UGT1A7: variants seen among roughly 807,000 people sequenced by gnomAD.
UGT1A7 encodes UDP-glucuronosyltransferase 1A7.
UGT1A7 carries 33 observed loss-of-function variants against 45.6 expected under a neutral mutation model. The ratio of observed to expected loss-of-function variants is 0.72; its 90% CI spans 0.55 to 0.97. The LOEUF (loss-of-function observed/expected upper bound fraction) is 0.97, where lower values mean the gene tolerates loss of function less well. Ranked by LOEUF, UGT1A7 falls within the 50% of genes least tolerant of loss-of-function variation. The probability of loss-of-function intolerance (pLI) is 0.00; values close to 1 mark genes in which losing one functional copy is unlikely to be tolerated. For synonymous variants in UGT1A7, 274 were observed against 250.6 expected, an observed-to-expected ratio of 1.09 and a Z score of -0.88; for missense variants, 684 against 666.2, an observed-to-expected ratio of 1.03 and a Z score of -0.29.
At chr2:233,711,503 TC>T (rs1193779053) in intron 1 of UGT1A7, among the ~76,000 whole-genome samples, 1 of 152,132 alleles carries the variant, frequency 6.6e-6, no homozygotes, top group Non-Finnish European at 1.5e-5. Flanking sequence ...AGAATCCCTT[TC>T]TAGCGCTCTG....
At chr2:233,753,955 A>G (rs892608608) in intron 1 of UGT1A7, among the ~76,000 whole-genome samples, 11 of 152,214 alleles carry the variant, frequency 7.2e-5, no homozygotes, top group Non-Finnish European at 1.6e-4. Context: ...CCTCCAAAAT[A>G]TTAAGAGAAT....
At chr2:233,736,941 G>A (rs2125804674) in intron 1 of UGT1A7, among the ~76,000 whole-genome samples, 1 of 152,244 alleles carries the variant, frequency 6.6e-6, no homozygotes, top group East Asian at 1.9e-4. Context: ...ACCTATATGA[G>A]GTGTCTGTTG....
At chr2:233,697,767 G>T (rs2075409769) in intron 1 of UGT1A7, among the ~76,000 whole-genome samples, 1 of 151,840 alleles carries the variant, frequency 6.6e-6, no homozygotes, top group Non-Finnish European at 1.5e-5. Flanking sequence ...TTGATACATT[G>T]TGTTTCCATT....
At chr2:233,744,008 G>C in intron 1 of UGT1A7, 6 of 1,163,404 alleles carry the variant, frequency 5.2e-6, no homozygotes, top group Non-Finnish European at 6.7e-6. Context: ...CGGAGACCTG[G>C]GCCGCCTGGA....
chr2:233,739,520 T>C (rs1227951212), intron 1 of UGT1A7, among the ~76,000 whole-genome samples: 1 of 152,250 alleles, frequency 6.6e-6, no homozygotes, highest in Non-Finnish European at 1.5e-5. Flanking sequence ...AGACATGAAG[T>C]CAAGGGAGAT....
chr2:233,763,154 G>A (rs1698249397), intron 1 of UGT1A7, among the ~76,000 whole-genome samples: 1 of 152,232 alleles, frequency 6.6e-6, no homozygotes, highest in Non-Finnish European at 1.5e-5. Flanking sequence ...AAAAGTCTAA[G>A]TGGTGAACTG....
intron 1 of UGT1A7, chr2:233,753,062 C>G (rs746941166): frequency 3.9e-5 from 6 of 152,186 alleles, no homozygotes; most frequent in African/African-American, 4.8e-5. Flanking sequence ...TGCCTTCCTC[C>G]CACCTCAAAA....
chr2:233,745,803 A>G (rs11695484), intron 1 of UGT1A7, among the ~76,000 whole-genome samples: 45,405 of 150,528 alleles, frequency 0.3, 7,175 homozygotes, highest in South Asian at 0.39. Flanking sequence ...GGTCTATCCC[A>G]GAGTTTTGAG....
chr2:233,745,019 T>C (rs1692990004), intron 1 of UGT1A7, among the ~76,000 whole-genome samples: 1 of 151,908 alleles, frequency 6.6e-6, no homozygotes, highest in Non-Finnish European at 1.5e-5. Context: ...ATGTAAATGC[T>C]ATGTAAATAG....
intron 1 of UGT1A7, among the ~76,000 whole-genome samples, chr2:233,702,329 CTTGT>C (rs763433492): frequency 2.7e-4 from 41 of 152,036 alleles, no homozygotes; most frequent in Non-Finnish European, 5.0e-4. Flanking sequence ...CATTTCTGAA[CTTGT>C]TTATTTGTTC....
Position 233,768,222 on chromosome 2 carries a change from C to G in UGT1A7, c.1078C>G (p.His360Asp). 1 of 1,614,186 alleles carries G rather than the reference C, an allele frequency of 6.2e-7. No homozygotes were observed. Among genetic ancestry groups the G allele is most frequent in the Non-Finnish European group, 8.5e-7 (1 of 1,180,046 alleles). The change falls in exon 4 of 5, where the codon CAC becomes GAC. Residue 360 changes from histidine to aspartate, a missense_variant and splice_region_variant. His to Asp is a moderately conservative substitution (Grantham distance 81, BLOSUM62 -1). Coordinates refer to ENST00000373426, the MANE Select transcript of UGT1A7 (RefSeq NM_019077.3). ...ATCCTCCCTATTTTGCATCTCAGGT[C>G]ACCCGATGACCCGTGCCTTTATCAC... ...KWLPQNDLLG[H>D]PMTRAFITHA... is the part of the protein sequence containing the mutation.
At chr2:233,764,907 A>G (rs1698684591) in intron 1 of UGT1A7, among the ~76,000 whole-genome samples, 1 of 152,198 alleles carries the variant, frequency 6.6e-6, no homozygotes, top group Non-Finnish European at 1.5e-5. Flanking sequence ...TAAGAGCCAG[A>G]GGACTCACGA....
chr2:233,769,597 C>T lies in UGT1A7; in HGVS notation c.1295+1158C>T, dbSNP rs772266725. 4 of 1,612,818 alleles carry T rather than the reference C, an allele frequency of 2.5e-6. No individual in the cohort carries two copies. Among genetic ancestry groups the T allele is most frequent in the Non-Finnish European group, 3.4e-6 (4 of 1,179,876 alleles). On this transcript the variant is annotated intron_variant, in intron 4 of 4. Transcript: ENST00000373426. The surrounding 1 kb of genome is among the most constrained non-coding windows in gnomAD (Gnocchi z 4.4). ...CATGTTCAGATGAGAGGAGACGGAACACGGGGACACACCAGCTTGAGCAAG... is the reference window on the plus strand; with the variant it reads ...CATGTTCAGATGAGAGGAGACGGAATACGGGGACACACCAGCTTGAGCAAG...
chr2:233,703,365 T>A (rs919646381), intron 1 of UGT1A7, among the ~76,000 whole-genome samples: 2 of 152,170 alleles, frequency 1.3e-5, no homozygotes, highest in Non-Finnish European at 2.9e-5. Context: ...AACTTTAGGT[T>A]TATCAATTTT....
intron 1 of UGT1A7, among the ~76,000 whole-genome samples, chr2:233,716,034 G>GCAT (rs1226945298): frequency 1.3e-5 from 2 of 152,146 alleles, no homozygotes; most frequent in Non-Finnish European, 2.9e-5. Flanking sequence ...TTTGATGTCA[G>GCAT]CATTCTGATT....
At chr2:233,724,138 G>A (rs2077174540) in intron 1 of UGT1A7, among the ~76,000 whole-genome samples, 1 of 122,456 alleles carries the variant, frequency 8.2e-6, no homozygotes, top group Non-Finnish European at 1.7e-5. Context: ...CTCCCGGACG[G>A]GGCGGCTGGC....
At chr2:233,729,659 G>A in intron 1 of UGT1A7, 1 of 1,613,886 alleles carries the variant, frequency 6.2e-7, no homozygotes, top group Non-Finnish European at 8.5e-7. Context: ...AACATTCCAT[G>A]TGATTTAGAC....
chr2:233,691,765 G>A (rs1355793466), intron 1 of UGT1A7: 1 of 421,572 alleles, frequency 2.4e-6, no homozygotes, highest in Non-Finnish European at 3.2e-6. Flanking sequence ...TCCTGCTCTA[G>A]GATTCTCACC....
intron 1 of UGT1A7, among the ~76,000 whole-genome samples, chr2:233,709,895 C>A (rs942785587): frequency 5.3e-5 from 8 of 152,240 alleles, no homozygotes; most frequent in African/African-American, 1.7e-4. Flanking sequence ...TCTGTCCTAT[C>A]TCAGTCACCT....
Sources: allele counts gnomAD v4.1 joint callset (sites outside exome capture counted in the v4.1 genomes callset), GRCh38; gene constraint gnomAD v4.1.1; non-coding constraint Gnocchi (gnomAD v3.1); transcripts MANE v1.5; gene names NCBI Gene and HGNC (gene_info 2026-07-23, HGNC 2026-07-21).